The following CCDC102B variants were observed in gnomAD, a reference collection of about 807,000 sequenced individuals.
CCDC102B encodes the protein coiled-coil domain containing 102B.
CCDC102B carries 75 observed loss-of-function variants against 57.4 expected under a neutral mutation model. That is an observed-to-expected ratio of 1.31 (90% CI 1.08 to 1.58). The LOEUF is 1.58. Ranked by LOEUF, CCDC102B falls within the 40% of genes most tolerant of loss-of-function variation. The pLI, the probability that CCDC102B is intolerant of heterozygous loss-of-function variation, is 0.00. For missense variants in CCDC102B, 636 were observed against 582.6 expected, an observed-to-expected ratio of 1.09 and a Z score of -0.94; for synonymous variants, 206 against 201.9, an observed-to-expected ratio of 1.02 and a Z score of -0.17.
intron 3 of CCDC102B, 81 bp downstream of exon 3, chr18:68,839,007 T>A (rs1404234400): frequency 9.0e-7 from 1 of 1,113,882 alleles, no homozygotes; most frequent in East Asian, 2.5e-5. Flanking sequence ...GATTGGTCAT[T>A]TGATAATGTA....
At chr18:68,803,771 T>TACTC (rs1249392814) in intron 1 of CCDC102B, among the ~76,000 whole-genome samples, 4,701 of 152,222 alleles carry the variant, frequency 0.031, 227 homozygotes, top group African/African-American at 0.11. Context: ...CCTAATATTA[T>TACTC]TTTACTTTTA....
chr18:68,798,131 T>G lies in CCDC102B; in HGVS notation c.-66T>G, dbSNP rs2035697919. On this transcript the variant is annotated 5_prime_UTR_variant, in exon 1 of 8. It introduces an in-frame stop codon into an upstream open reading frame of the 5' UTR. Transcript: ENST00000360242. ...AAAGGATGCAGGAAATTCTGTTGTTTACACATGTGGCTGCAACTGAGACAC... is the reference window on the plus strand; with the variant it reads ...AAAGGATGCAGGAAATTCTGTTGTTGACACATGTGGCTGCAACTGAGACAC... 1 of 152,162 alleles carries G rather than the reference T, an allele frequency of 6.6e-6. No homozygotes were observed. The highest frequency in any genetic ancestry group is 1.5e-5 in the Non-Finnish European group (1 of 68,042). The allele number at this position is 152,162 out of a possible 1,614,324, so 9.4% of individuals were successfully genotyped here. A position where few individuals can be genotyped will look rare whatever the true frequency, so the allele number is the denominator to read the frequency against.
intron 1 of CCDC102B, among the ~76,000 whole-genome samples, chr18:68,817,973 C>T (rs1266035694): frequency 6.6e-6 from 1 of 152,048 alleles, no homozygotes; most frequent in African/African-American, 2.4e-5. Context: ...AGTAAAGATA[C>T]ATGTAGAAGA....
At chr18:68,738,636 G>A (rs1178017435) in intron 2 of CCDC102B, among the ~76,000 whole-genome samples, 1 of 152,162 alleles carries the variant, frequency 6.6e-6, no homozygotes. Flanking sequence ...TGAGCCCATT[G>A]CATAAGCACC....
chr18:68,812,985 G>C (rs1179687323), intron 1 of CCDC102B, among the ~76,000 whole-genome samples: 4 of 152,046 alleles, frequency 2.6e-5, no homozygotes, highest in Admixed American at 6.6e-5. Flanking sequence ...GGGAGAGAAG[G>C]GGAAGGGAGG....
intron 7 of CCDC102B, among the ~76,000 whole-genome samples, chr18:69,049,219 T>C (rs564044405): frequency 3.3e-5 from 5 of 152,024 alleles, no homozygotes; most frequent in Admixed American, 1.3e-4. Context: ...GGCCCTGCTG[T>C]GTGATGTTCC....
chr18:68,988,730 T>C (rs2050789584), intron 6 of CCDC102B, among the ~76,000 whole-genome samples: 1 of 152,200 alleles, frequency 6.6e-6, no homozygotes, highest in Non-Finnish European at 1.5e-5. Flanking sequence ...CTCACTAACA[T>C]ATTTCAGCAG....
At chr18:68,900,912 G>A (rs189185024) in intron 6 of CCDC102B, among the ~76,000 whole-genome samples, 3 of 152,246 alleles carry the variant, frequency 2.0e-5, no homozygotes, top group African/African-American at 2.4e-5. Flanking sequence ...ATGCAAGACC[G>A]GCTCTTCCAT....
intron 6 of CCDC102B, among the ~76,000 whole-genome samples, chr18:68,969,241 C>T (rs557065725): frequency 5.9e-5 from 9 of 152,300 alleles, no homozygotes; most frequent in East Asian, 3.9e-4. Context: ...TTTCTTAGAA[C>T]GGATGCAGAG....
chr18:69,057,600 G>C (rs974417426), downstream of CCDC102B, among the ~76,000 whole-genome samples: 1 of 152,032 alleles, frequency 6.6e-6, no homozygotes, highest in Non-Finnish European at 1.5e-5. Context: ...CAAATGGTTA[G>C]AGCAGGTTAT....
chr18:68,849,995 G>A (rs1288292135), intron 4 of CCDC102B, among the ~76,000 whole-genome samples: 1 of 151,990 alleles, frequency 6.6e-6, no homozygotes, highest in African/African-American at 2.4e-5. Context: ...AATTTATATG[G>A]GCCAGGCTTG....
Position 69,055,002 on chromosome 18 carries a change from G to A in CCDC102B, c.*865G>A, listed in dbSNP as rs918239086. On this transcript the variant is annotated 3_prime_UTR_variant, in exon 8 of 8. Transcript: ENST00000360242. ...TTCATATTTAAGTTTAGTTTTTAAGGTAAAATGTTATTTTGAACAAAAAGA... is the reference window on the plus strand; with the variant it reads ...TTCATATTTAAGTTTAGTTTTTAAGATAAAATGTTATTTTGAACAAAAAGA... 2 of 982,586 alleles carry A rather than the reference G, an allele frequency of 2.0e-6. No homozygotes were observed. The highest frequency in any genetic ancestry group is 3.5e-5 in the African/African-American group (2 of 57,118). 60.9% of individuals were successfully genotyped at this position (982,586 alleles called of 1,614,324 possible).
intron 2 of CCDC102B, among the ~76,000 whole-genome samples, chr18:68,732,014 A>G (rs1451224751): frequency 7.7e-6 from 1 of 130,356 alleles, no homozygotes; most frequent in African/African-American, 2.7e-5. Flanking sequence ...TTTCTCACAT[A>G]AAAGTCCTTT....
intron 5 of CCDC102B, among the ~76,000 whole-genome samples, chr18:68,879,290 G>A (rs912264128): frequency 3.3e-5 from 5 of 152,294 alleles, no homozygotes; most frequent in African/African-American, 9.6e-5. Flanking sequence ...GCTCATAAAA[G>A]CAGTGTAGAC....
chr18:68,897,592 T>C, intron 6 of CCDC102B, 164 bp downstream of exon 6: 1 of 1,572,898 alleles, frequency 6.4e-7, no homozygotes, highest in Non-Finnish European at 8.6e-7. Context: ...TAAAATAACG[T>C]TCATGCATCT....
intron 7 of CCDC102B, among the ~76,000 whole-genome samples, chr18:69,050,120 T>A (rs2052668175): frequency 6.6e-6 from 1 of 152,132 alleles, no homozygotes; most frequent in Non-Finnish European, 1.5e-5. Context: ...TAAATCTGCA[T>A]TTCTAAAACC....
intron 1 of CCDC102B, among the ~76,000 whole-genome samples, chr18:68,815,235 C>G (rs1039302925): frequency 1.3e-5 from 2 of 152,062 alleles, no homozygotes; most frequent in Non-Finnish European, 2.9e-5. Context: ...TCCTTAATTT[C>G]TTTGATTTAC....
At chr18:68,843,532 TA>T (rs2037727926) in intron 3 of CCDC102B, among the ~76,000 whole-genome samples, 1 of 152,104 alleles carries the variant, frequency 6.6e-6, no homozygotes, top group South Asian at 2.1e-4. Context: ...TGCATAGAAA[TA>T]AAATCACATC....
intron 6 of CCDC102B, among the ~76,000 whole-genome samples, chr18:68,930,498 C>CTATA (rs1343132571): frequency 6.6e-6 from 1 of 151,844 alleles, no homozygotes. Context: ...ATCAGGTGTG[C>CTATA]TATAGGTGGT....
Sources: gnomAD v4.1 joint callset for allele counts (sites outside exome capture counted in the v4.1 genomes callset) on GRCh38, gnomAD v4.1.1 for gene constraint, MANE v1.5 for transcripts, NCBI Gene and HGNC (gene_info 2026-07-23, HGNC 2026-07-21) for gene names.